The following COL25A1 variants were observed in gnomAD, a reference collection of about 807,000 sequenced individuals.
The protein encoded by COL25A1 is collagen type XXV alpha 1 chain.
A neutral mutation model predicts 128.4 loss-of-function variants in COL25A1; 103 were observed. The observed-to-expected ratio is 0.80, with a 90% confidence interval of 0.68 to 0.94. The LOEUF is 0.94. Ranked by LOEUF, COL25A1 falls within the 40% of genes least tolerant of loss-of-function variation. COL25A1 has a pLI of 0.00. For synonymous variants in COL25A1, 279 were observed against 277.2 expected, an observed-to-expected ratio of 1.01 and a Z score of -0.06; for missense variants, 745 against 840.0, an observed-to-expected ratio of 0.89 and a Z score of 1.40.
intron 5 of COL25A1, among the ~76,000 whole-genome samples, chr4:109,016,744 G>A (rs960831762): frequency 6.6e-6 from 1 of 152,084 alleles, no homozygotes; most frequent in Non-Finnish European, 1.5e-5. Flanking sequence ...TATCTGCTGA[G>A]AGTTGGACAC....
intron 3 of COL25A1, among the ~76,000 whole-genome samples, chr4:109,071,106 T>C (rs111443701): frequency 0.12 from 17,459 of 151,806 alleles, 1,269 homozygotes; most frequent in African/African-American, 0.21. Context: ...GAGATATAGA[T>C]CAATGGAACA....
chr4:108,902,754 G>C (rs146924842), intron 13 of COL25A1, among the ~76,000 whole-genome samples: 2 of 151,920 alleles, frequency 1.3e-5, no homozygotes, highest in Non-Finnish European at 2.9e-5. Flanking sequence ...TGTAACTCTT[G>C]CACTTTCCTT....
chr4:108,930,671 T>C (rs966639268), intron 11 of COL25A1, among the ~76,000 whole-genome samples: 1 of 152,200 alleles, frequency 6.6e-6, no homozygotes, highest in African/African-American at 2.4e-5. Flanking sequence ...CTAGGGCTAG[T>C]TACAGCTCTC....
intron 3 of COL25A1, among the ~76,000 whole-genome samples, chr4:109,232,276 A>G (rs2126221670): frequency 6.6e-6 from 1 of 152,312 alleles, no homozygotes; most frequent in East Asian, 1.9e-4. Context: ...AATTCATCAT[A>G]CGAATTGATT....
chr4:108,987,752 A>G (rs927364861), intron 6 of COL25A1, among the ~76,000 whole-genome samples: 1 of 152,164 alleles, frequency 6.6e-6, no homozygotes, highest in African/African-American at 2.4e-5. Context: ...AAAAAAAACC[A>G]TAGACTTTTG....
chr4:108,819,780 C>T, intron 35 of COL25A1: 4 of 1,140,142 alleles, frequency 3.5e-6, no homozygotes, highest in Non-Finnish European at 4.4e-6. Context: ...CTCACACAAA[C>T]ATCTGGAGAC....
chr4:108,872,465 G>A (rs1738845494), intron 19 of COL25A1, among the ~76,000 whole-genome samples: 1 of 152,086 alleles, frequency 6.6e-6, no homozygotes, highest in Non-Finnish European at 1.5e-5. Context: ...CAGATTCCAC[G>A]TTGCACCTAA....
rs1431629224 is a variant in COL25A1 at position 108,863,365 on chromosome 4, G to A, written c.1106C>T (p.Pro369Leu). The A allele has an allele frequency of 6.2e-7, 1 of 1,613,666 alleles. No individual in the cohort carries two copies. Among genetic ancestry groups the A allele is most frequent in the African/African-American group, 1.3e-5 (1 of 74,850 alleles). ...GTKGERGEAG[P>L]PGRGERGEPG... ...TTCCCCTCGCTCACCTCTTCCAGGA[G>A]GCCCTGCTTCCCCCCGTTCACCCTG... is the stretch of plus-strand genomic sequence containing the variant. The change falls in exon 21 of 38, where the codon CCT becomes CTT. Residue 369 changes from proline (P) to leucine (L), a missense_variant. Transcript: ENST00000399132.
At chr4:109,022,801 G>A (rs1479587301) in intron 5 of COL25A1, among the ~76,000 whole-genome samples, 2 of 152,148 alleles carry the variant, frequency 1.3e-5, no homozygotes, top group African/African-American at 2.4e-5. Flanking sequence ...CATTCACCAC[G>A]AGTCCAATGC....
intron 35 of COL25A1, chr4:108,819,825 G>A: frequency 8.1e-7 from 1 of 1,230,686 alleles, no homozygotes; most frequent in Non-Finnish European, 1.0e-6. Context: ...CGGGCAGGGT[G>A]CATCTAATCC....
chr4:108,898,494 G>A (rs921042097), intron 15 of COL25A1, among the ~76,000 whole-genome samples: 4 of 152,114 alleles, frequency 2.6e-5, no homozygotes, highest in Non-Finnish European at 4.4e-5. Flanking sequence ...AATAAGTATC[G>A]TAATATGCAA....
chr4:108,895,938 CTTTTTTTTTTTT>C (rs35506597), intron 16 of COL25A1, among the ~76,000 whole-genome samples: 10 of 70,794 alleles, frequency 1.4e-4, no homozygotes, highest in Admixed American at 6.8e-4. Flanking sequence ...TATAATCAAA[CTTTTTTTTTTTT>C]TTTTTTTTTT....
intron 36 of COL25A1, among the ~76,000 whole-genome samples, chr4:108,818,227 CA>C (rs1445286631): frequency 6.6e-6 from 1 of 152,030 alleles, no homozygotes; most frequent in Non-Finnish European, 1.5e-5. Flanking sequence ...TCATCAATAC[CA>C]AGCAAACAAA....
intron 3 of COL25A1, among the ~76,000 whole-genome samples, chr4:109,272,870 C>T (rs1014307899): frequency 7.2e-5 from 11 of 152,126 alleles, no homozygotes; most frequent in Non-Finnish European, 8.8e-5. Flanking sequence ...AACAGGAATA[C>T]AGCAGGTCTG....
At chr4:109,136,094 C>T (rs535621595) in intron 3 of COL25A1, among the ~76,000 whole-genome samples, 53 of 152,224 alleles carry the variant, frequency 3.5e-4, no homozygotes, top group African/African-American at 1.3e-3. Context: ...GCATAAAGGG[C>T]ACATGATTTA....
chr4:108,823,656 A>C (rs1233638502), intron 35 of COL25A1, among the ~76,000 whole-genome samples: 1 of 152,142 alleles, frequency 6.6e-6, no homozygotes, highest in Non-Finnish European at 1.5e-5. Context: ...CTGAATCTGA[A>C]AGTGGCAAGT....
intron 3 of COL25A1, among the ~76,000 whole-genome samples, chr4:109,182,329 C>T (rs2704102): frequency 0.64 from 96,584 of 151,822 alleles, 31,088 homozygotes; most frequent in East Asian, 0.75. Context: ...CCACCAACTC[C>T]GTACCATTTT....
intron 3 of COL25A1, among the ~76,000 whole-genome samples, chr4:109,268,692 AAAG>A (rs1350560512): frequency 1.3e-5 from 2 of 152,234 alleles, no homozygotes; most frequent in Admixed American, 6.5e-5. Flanking sequence ...AGTAATTTCT[AAAG>A]AAGATTTCTT....
chr4:108,943,824 C>CAAA (rs200181154), intron 8 of COL25A1, among the ~76,000 whole-genome samples: 8,011 of 137,184 alleles, frequency 0.058, 286 homozygotes, highest in African/African-American at 0.091. Context: ...TCCTTTTTTT[C>CAAA]AAAAAAAAAA....
Sources: allele counts gnomAD v4.1 joint callset (sites outside exome capture counted in the v4.1 genomes callset), GRCh38; gene constraint gnomAD v4.1.1; transcripts MANE v1.5; gene names NCBI Gene and HGNC (gene_info 2026-07-23, HGNC 2026-07-21).